Variants in EHD3 observed in about 807,000 individuals in gnomAD.
The protein encoded by EHD3 is EH domain-containing protein 3.
In EHD3, 17 loss-of-function variants were observed where a neutral mutation model predicts 43.0. That is an observed-to-expected ratio of 0.40 (90% CI 0.27 to 0.59). The LOEUF (loss-of-function observed/expected upper bound fraction) is 0.59, where lower values mean the gene tolerates loss of function less well. Ranked by LOEUF, EHD3 falls within the 20% of genes least tolerant of loss-of-function variation. The pLI is 0.49. For synonymous variants in EHD3, 313 were observed against 289.5 expected (o/e 1.08, Z -0.82); for missense variants, 594 against 705.6 (o/e 0.84, Z 1.79).
At chr2:31,245,715 C>T (rs1459960797) in intron 2 of EHD3, among the ~76,000 whole-genome samples, 1 of 147,634 alleles carries the variant, frequency 6.8e-6, no homozygotes, top group Non-Finnish European at 1.5e-5. Flanking sequence ...GCATGTGCCA[C>T]CACGCCCGAC....
intron 3 of EHD3, among the ~76,000 whole-genome samples, chr2:31,259,503 C>G (rs1296072442): frequency 6.6e-6 from 1 of 152,174 alleles, no homozygotes; most frequent in Non-Finnish European, 1.5e-5. Context: ...AACAACTTCT[C>G]TGGGGCTCCT....
rs1249384588 is a variant in EHD3, at chr2:31,266,213, C to A, written c.1117C>A (p.Pro373Thr). Residue 373 changes from proline (P) to threonine (T), a missense_variant, in exon 6 of 6, where the codon CCG (proline) becomes ACG (threonine). Transcript: ENST00000322054. The surrounding 1 kb of genome is among the most constrained non-coding windows in gnomAD (Gnocchi z 5.1). Reference protein sequence around the residue: ...LQAQDFSKFQPLKSKLLEVVD... With the variant: ...LQAQDFSKFQTLKSKLLEVVD... ...GGCCCAGGACTTTAGCAAGTTCCAG[C>A]CGCTGAAGAGCAAGCTGCTGGAGGT... The A allele has an allele frequency of 1.2e-6, 2 of 1,613,312 alleles. No homozygotes were observed. Among genetic ancestry groups the A allele is most frequent in the Admixed American group, 1.7e-5 (1 of 60,002 alleles).
At position 31,255,044 on chromosome 2, in the gene EHD3, C is replaced by T. The variant is rs1683724025; in HGVS notation, c.503-5466C>T. Reference sequence around the variant, plus strand: ...TGTTTGTCTGATTGATTTCCTCTTGCCTGGCATTACTTCAAAGTGCTTTCT... The same window carrying T: ...TGTTTGTCTGATTGATTTCCTCTTGTCTGGCATTACTTCAAAGTGCTTTCT... On this transcript the variant is annotated intron_variant, in intron 3 of 5. Transcript: ENST00000322054. 2.6e-5 allele frequency among the ~76,000 whole-genome samples: 4 copies of T among 152,196 alleles called. No homozygotes were observed. In the South Asian group the frequency reaches 8.3e-4, roughly 31 times the overall value.
intron 2 of EHD3, among the ~76,000 whole-genome samples, chr2:31,245,428 CTTAA>C (rs1029792753): frequency 1.3e-5 from 2 of 150,972 alleles, no homozygotes. Flanking sequence ...CATTTGATTA[CTTAA>C]TTGTTTAGTG....
chr2:31,258,913 G>A (rs980919957), intron 3 of EHD3, among the ~76,000 whole-genome samples: 11 of 152,158 alleles, frequency 7.2e-5, no homozygotes, highest in Admixed American at 2.6e-4. Context: ...GCCCTGGGGG[G>A]ATTCTGATGG....
Position 31,261,637 on chromosome 2 carries a change from T to C in EHD3, c.1004T>C (p.Leu335Pro), listed in dbSNP as rs750243587. The C allele has an allele frequency of 6.2e-7, 1 of 1,614,204 alleles. No individual in the cohort carries two copies. Among genetic ancestry groups the C allele is most frequent in the East Asian group, 2.2e-5 (1 of 44,878 alleles). ...AAGAAGAAGGAGCTGGTCAACAACC[T>C]GGCCGAGATCTATGGCCGGATCGAG... Reference protein sequence around the residue: ...DNKKKELVNNLAEIYGRIERE... With the variant: ...DNKKKELVNNPAEIYGRIERE... The change falls in exon 5 of 6, where the codon CTG (leucine) becomes CCG (proline). Residue 335 changes from leucine (L) to proline (P), a missense_variant. Around this residue, in one of 3 missense-constraint regions of EHD3, gnomAD observed 322 missense variants for 348.0 expected, o/e 0.93. Transcript: ENST00000322054.
intron 1 of EHD3, among the ~76,000 whole-genome samples, chr2:31,243,874 A>G (rs921262647): frequency 2.0e-5 from 3 of 152,200 alleles, no homozygotes; most frequent in African/African-American, 7.2e-5. Context: ...AGCAGAGTCT[A>G]CGGAAGGTTT....
chr2:31,241,483 AT>A (rs1683423080), intron 1 of EHD3, among the ~76,000 whole-genome samples: 1 of 152,248 alleles, frequency 6.6e-6, no homozygotes, highest in African/African-American at 2.4e-5. Context: ...TACTGGTTAA[AT>A]GCTTAACTTC....
chr2:31,246,976 A>C (rs1683536230), intron 2 of EHD3, among the ~76,000 whole-genome samples: 1 of 150,826 alleles, frequency 6.6e-6, no homozygotes. Context: ...AGCTCACTTT[A>C]GCCTCCATCT....
chr2:31,243,738 GC>G (rs1402930159), intron 1 of EHD3, among the ~76,000 whole-genome samples: 1 of 152,056 alleles, frequency 6.6e-6, no homozygotes, highest in African/African-American at 2.4e-5. Flanking sequence ...ATAGGCGTGA[GC>G]CACCGCGCCT....
rs1295987081 is a variant in EHD3, at chr2:31,266,575, T to C, written c.1479T>C (p.Asp493=). Residue 493 remains aspartate (D), a synonymous_variant, in exon 6 of 6, where the codon GAT becomes GAC. Transcript: ENST00000322054. The surrounding 1 kb of genome is among the most constrained non-coding windows in gnomAD (Gnocchi z 5.1). ...KIWKLADIDK[D]GMLDDDEFAL... is the part of the protein sequence containing the mutation. ...GGAAGCTGGCCGACATTGACAAGGA[T>C]GGCATGCTGGACGACGACGAGTTTG... 3.1e-6 allele frequency: 5 copies of C among 1,613,994 alleles called. No individual in the cohort carries two copies. Among genetic ancestry groups the C allele is most frequent in the Non-Finnish European group, 4.2e-6 (5 of 1,180,006 alleles).
chr2:31,261,748 G>A, intron 5 of EHD3, 35 bp downstream of exon 5: 1 of 1,608,152 alleles, frequency 6.2e-7, no homozygotes, highest in Non-Finnish European at 8.5e-7. Context: ...ACAAGGGACA[G>A]TGTCCCGAGA....
intron 3 of EHD3, among the ~76,000 whole-genome samples, chr2:31,257,214 G>A (rs1379585853): frequency 6.6e-6 from 1 of 152,204 alleles, no homozygotes; most frequent in African/African-American, 2.4e-5. Context: ...TTAGCCCTCT[G>A]GCCCCTCCCT....
intron 1 of EHD3, among the ~76,000 whole-genome samples, chr2:31,236,730 A>G (rs747129914): frequency 1.3e-5 from 2 of 152,314 alleles, no homozygotes; most frequent in South Asian, 4.1e-4. Flanking sequence ...GACAACATCC[A>G]TGCCTTAGCA....
rs1341594194 is a variant in EHD3 at position 31,264,533 on chromosome 2, C to T, written c.1081-1644C>T. On this transcript the variant is annotated intron_variant, in intron 5 of 5. Coordinates refer to ENST00000322054, the MANE Select transcript of EHD3 (RefSeq NM_014600.3). ...TAAATTAACATTTCTACTTTACAGA[C>T]TTTTTTTTTTTTTTTTTTTTGATAC... 1.9e-3 allele frequency among the ~76,000 whole-genome samples: 214 copies of T among 114,140 alleles called. 2 individuals carry two copies. The highest frequency in any genetic ancestry group is 7.3e-3 in the African/African-American group (208 of 28,512). The allele number at this position is 114,140 out of a possible 152,430, so 74.9% of individuals were successfully genotyped here.
chr2:31,266,677 C>G lies in EHD3; in HGVS notation c.1581C>G (p.Pro527=), dbSNP rs1683958303. 1 of 1,607,990 alleles carries G rather than the reference C, an allele frequency of 6.2e-7. No individual in the cohort carries two copies. Among genetic ancestry groups the G allele is most frequent in the South Asian group, 1.1e-5 (1 of 90,614 alleles). ...LPNELPAHLL[P]PSKRKVAE Reference sequence around the variant, plus strand: ...ACGAGCTGCCTGCCCACCTCCTGCCCCCGTCCAAGAGGAAAGTTGCCGAGT... The same window carrying G: ...ACGAGCTGCCTGCCCACCTCCTGCCGCCGTCCAAGAGGAAAGTTGCCGAGT... The change falls in exon 6 of 6, where the codon CCC becomes CCG. Residue 527 remains proline, a synonymous_variant. Transcript: ENST00000322054. The surrounding 1 kb of genome is among the most constrained non-coding windows in gnomAD (Gnocchi z 5.1).
Position 31,234,771 on chromosome 2 carries a change from G to A in EHD3, c.150G>A (p.Leu50=). 2 of 1,614,206 alleles carry A rather than the reference G, an allele frequency of 1.2e-6. No individual in the cohort carries two copies. Among genetic ancestry groups the A allele is most frequent in the Non-Finnish European group, 1.7e-6 (2 of 1,180,036 alleles). Residue 50 remains leucine, a synonymous_variant, in exon 1 of 6, where the codon CTG becomes CTA. Coordinates refer to ENST00000322054, the MANE Select transcript of EHD3 (RefSeq NM_014600.3). ...TCCACGAGTTCCACTCGCCCGCCCT[G>A]GAGGATGCCGACTTCGACAACAAGC... ...YRFHEFHSPA[L]EDADFDNKPM...
At chr2:31,265,257 A>T (rs1427649184) in intron 5 of EHD3, among the ~76,000 whole-genome samples, 1 of 152,236 alleles carries the variant, frequency 6.6e-6, no homozygotes, top group Non-Finnish European at 1.5e-5. Flanking sequence ...ATTTACATAA[A>T]CCAGTAACAT....
chr2:31,252,657 T>C (rs898444932), intron 3 of EHD3, among the ~76,000 whole-genome samples: 3 of 152,188 alleles, frequency 2.0e-5, no homozygotes, highest in Non-Finnish European at 4.4e-5. Context: ...GTATTTTTAG[T>C]AGAGACGGGG....
Sources: gnomAD v4.1 joint callset for allele counts (sites outside exome capture counted in the v4.1 genomes callset) on GRCh38, gnomAD v4.1.1 for gene constraint, gnomAD v4.1.1 regional missense constraint, Gnocchi (gnomAD v3.1) non-coding constraint, MANE v1.5 for transcripts, NCBI Gene and HGNC (gene_info 2026-07-23, HGNC 2026-07-21) for gene names.